POLR2M: variants seen among roughly 807,000 people sequenced by gnomAD.
The protein encoded by POLR2M is protein GRINL1A.
In POLR2M, 30 loss-of-function variants were observed where a neutral mutation model predicts 34.6. That is an observed-to-expected ratio of 0.87 (90% CI 0.65 to 1.18). The LOEUF (loss-of-function observed/expected upper bound fraction) is 1.18, where lower values mean the gene tolerates loss of function less well. Ranked by LOEUF, POLR2M falls within the 50% of genes most tolerant of loss-of-function variation. The probability of loss-of-function intolerance (pLI) is 0.00; values close to 1 mark genes in which losing one functional copy is unlikely to be tolerated. For missense variants in POLR2M, 432 were observed against 448.7 expected (o/e 0.96, Z 0.34); for synonymous variants, 150 against 166.7 (o/e 0.90, Z 0.77).
chr15:57,706,903 T>G lies in POLR2M; in HGVS notation c.61T>G (p.Leu21Val), dbSNP rs1437592553. 6.2e-7 allele frequency: 1 copy of G among 1,601,762 alleles called. No individual in the cohort carries two copies. The highest frequency in any genetic ancestry group is 8.5e-7 in the Non-Finnish European group (1 of 1,173,952). The change falls in exon 1 of 4, where the codon TTG (leucine) becomes GTG (valine). Residue 21 changes from leucine (L) to valine (V), a missense_variant. Coordinates refer to ENST00000299638, the MANE Select transcript of POLR2M (RefSeq NM_015532.5). ...QAPEDLAQRS[L>V]VELREMLKRQ... is the part of the protein sequence containing the mutation. ...TCCCGAGGACTTGGCGCAGCGGAGTTTGGTGGAGCTGCGGGAAATGTTGAA... is the reference window on the plus strand; with the variant it reads ...TCCCGAGGACTTGGCGCAGCGGAGTGTGGTGGAGCTGCGGGAAATGTTGAA...
intron 3 of POLR2M, among the ~76,000 whole-genome samples, chr15:57,713,846 T>C (rs1457261352): frequency 3.7e-5 from 4 of 109,078 alleles, no homozygotes; most frequent in African/African-American, 1.5e-4. Context: ...TTTTTTTTTT[T>C]TTTTTTTTTT....
intron 3 of POLR2M, 106 bp downstream of exon 3, chr15:57,712,294 G>A: frequency 1.6e-6 from 2 of 1,290,292 alleles, no homozygotes. Flanking sequence ...GGGATTAGGT[G>A]CTTCCATGAG....
At chr15:57,711,852 T>C in intron 2 of POLR2M, 132 bp from the exon 3 acceptor site, 8 of 1,066,556 alleles carry the variant, frequency 7.5e-6, no homozygotes, top group Non-Finnish European at 1.1e-5. Flanking sequence ...GAGCAATGAA[T>C]ACTGGTAAAT....
At chr15:57,707,017 C>T (rs2040513408) in intron 1 of POLR2M, 62 bp downstream of exon 1, 2 of 1,551,876 alleles carry the variant, frequency 1.3e-6, no homozygotes, top group South Asian at 2.4e-5. Context: ...CTGGGCGCTC[C>T]CCTCCCCTCC....
intron 1 of POLR2M, among the ~76,000 whole-genome samples, chr15:57,708,024 G>A (rs2040561434): frequency 2.0e-5 from 3 of 152,184 alleles, no homozygotes; most frequent in African/African-American, 7.2e-5. Flanking sequence ...TAAATAATTG[G>A]TTGGGATCAA....
chr15:57,708,246 A>G (rs1310781651), intron 1 of POLR2M, among the ~76,000 whole-genome samples: 11 of 152,228 alleles, frequency 7.2e-5, no homozygotes, highest in Admixed American at 4.6e-4. Context: ...TTCTAGAACA[A>G]TGATGTCATC....
At chr15:57,707,385 G>T (rs2040536912) in intron 1 of POLR2M, 1 of 686,338 alleles carries the variant, frequency 1.5e-6, no homozygotes, top group Admixed American at 2.0e-5. Flanking sequence ...ATTAGGCCGG[G>T]AAAGTTCGAC....
rs978087285 is a variant in POLR2M at position 57,711,209 on chromosome 15, T to G, written c.759-775T>G. ...ATATCTGCTAGCCATGAAGACCTAC[T>G]TATTTCTTTGATCTTCATCTCTATA... is the stretch of plus-strand genomic sequence containing the variant. On this transcript the variant is annotated intron_variant, in intron 2 of 3. Coordinates refer to ENST00000299638, the MANE Select transcript of POLR2M (RefSeq NM_015532.5). 7.2e-4 allele frequency among the ~76,000 whole-genome samples: 110 copies of G among 152,326 alleles called. 2 individuals carry two copies. Among genetic ancestry groups the G allele is most frequent in the African/African-American group, 2.6e-3 (110 of 41,572 alleles).
rs752008215 is a variant in POLR2M, at chr15:57,714,550, G to A, written c.978G>A (p.Lys326=). ...TTGTTTTAAAGGAGATGCAAGCAAA[G>A]CTCGCAGCGCAAAAATTAGCTGAAA... ...QKQNYEEMQA[K]LAAQKLAERL... Residue 326 remains lysine, a synonymous_variant, in exon 4 of 4, where the codon AAG becomes AAA. Transcript: ENST00000299638. The A allele has an allele frequency of 2.5e-6, 4 of 1,613,616 alleles. No homozygotes were observed. The East Asian group carries it at 6.7e-5, about 27-fold the overall frequency.
chr15:57,712,360 AG>A (rs2040760863), intron 3 of POLR2M, among the ~76,000 whole-genome samples, 172 bp downstream of exon 3: 1 of 152,216 alleles, frequency 6.6e-6, no homozygotes, highest in Non-Finnish European at 1.5e-5. Context: ...AACTGCAGGA[AG>A]TAGCTAGAGA....
At position 57,709,289 on chromosome 15, in the gene POLR2M, A is replaced by G. The variant is rs1238933801; in HGVS notation, c.689A>G (p.His230Arg). ...GLSSGTEKKP[H>R]YMEVLEMRAK... ...TCCAGTGGGACTGAGAAGAAACCTC[A>G]TTACATGGAAGTGCTAGAAATGCGA... The change falls in exon 2 of 4, where the codon CAT (histidine) becomes CGT (arginine). Residue 230 changes from histidine (H) to arginine (R), a missense_variant. His to Arg is a conservative substitution (Grantham distance 29). Transcript: ENST00000299638. 3.7e-6 allele frequency: 6 copies of G among 1,614,012 alleles called. No individual in the cohort carries two copies. Among genetic ancestry groups the G allele is most frequent in the African/African-American group, 1.3e-5 (1 of 75,046 alleles).
At chr15:57,713,482 C>G (rs888399699) in intron 3 of POLR2M, among the ~76,000 whole-genome samples, 1 of 151,904 alleles carries the variant, frequency 6.6e-6, no homozygotes, top group Non-Finnish European at 1.5e-5. Flanking sequence ...CTTTTACTGA[C>G]CCATATTCAT....
chr15:57,708,883 G>T lies in POLR2M; in HGVS notation c.283G>T (p.Gly95Cys). Residue 95 changes from glycine (G) to cysteine (C), a missense_variant, in exon 2 of 4, where the codon GGT becomes TGT. Transcript: ENST00000299638. ...AAAAGCAATTGCAGAAGTTGATGTG[G>T]GTACAGATAAGGCCCAGAATTCTGA... ...RQKAIAEVDV[G>C]TDKAQNSDPI... 4 of 1,613,970 alleles carry T rather than the reference G, an allele frequency of 2.5e-6. No individual in the cohort carries two copies. Among genetic ancestry groups the T allele is most frequent in the Non-Finnish European group, 3.4e-6 (4 of 1,179,914 alleles).
chr15:57,707,036 GTTCCC>G (rs1185227210), intron 1 of POLR2M, 81 bp downstream of exon 1: 28 of 1,551,666 alleles, frequency 1.8e-5, no homozygotes, highest in Non-Finnish European at 2.4e-5. Context: ...CCCGCACTCT[GTTCCC>G]TTCCCTGGAA....
rs371113800 is a variant in POLR2M at position 57,714,582 on chromosome 15, A to C, written c.1010A>C (p.Asn337Thr). ...LAAQKLAERLNIKMRSYNPEG... is the reference protein window; with the variant it reads ...LAAQKLAERLTIKMRSYNPEG... Reference sequence around the variant, plus strand: ...GCGCAAAAATTAGCTGAAAGACTGAATATTAAAATGCGGAGTTATAATCCA... The same window carrying C: ...GCGCAAAAATTAGCTGAAAGACTGACTATTAAAATGCGGAGTTATAATCCA... The change falls in exon 4 of 4, where the codon AAT (asparagine) becomes ACT (threonine). Residue 337 changes from asparagine to threonine, a missense_variant. By Grantham distance (65) the Asn-to-Thr change is moderately conservative. Transcript: ENST00000299638. 1 of 1,613,868 alleles carries C rather than the reference A, an allele frequency of 6.2e-7. No homozygotes were observed. The highest frequency in any genetic ancestry group is 2.2e-5 in the East Asian group (1 of 44,872).
Position 57,716,745 on chromosome 15 carries a change from C to T in POLR2M, c.*2066C>T, listed in dbSNP as rs1342180604. 1 of 152,144 alleles carries T rather than the reference C, an allele frequency of 6.6e-6. No homozygotes were observed. Among genetic ancestry groups the T allele is most frequent in the African/African-American group, 2.4e-5 (1 of 41,416 alleles). 9.4% of individuals were successfully genotyped at this position (152,144 alleles called of 1,614,324 possible). On this transcript the variant is annotated 3_prime_UTR_variant, in exon 4 of 4. Coordinates refer to ENST00000299638, the MANE Select transcript of POLR2M (RefSeq NM_015532.5). ...TGGCATATAAGTTCTTAAGAATGTC[C>T]GTCCTTTGTCATATATTGTAACTTT...
Position 57,716,860 on chromosome 15 carries a change from A to G in POLR2M, c.*2181A>G, listed in dbSNP as rs2040967441. On this transcript the variant is annotated 3_prime_UTR_variant, in exon 4 of 4. Transcript: ENST00000299638. ...GAGTCTACCTTTGTGTATGTGCTTG[A>G]AAGTATTTTTGTAATCCAAGAATGG... 6.6e-6 allele frequency: 1 copy of G among 152,172 alleles called. No homozygotes were observed. Among genetic ancestry groups the G allele is most frequent in the African/African-American group, 2.4e-5 (1 of 41,436 alleles). 9.4% of individuals were successfully genotyped at this position (152,172 alleles called of 1,614,324 possible). A position where few individuals can be genotyped will look rare whatever the true frequency, so the allele number is the denominator to read the frequency against.
In POLR2M at chr15:57,715,217, C is replaced by G. The variant is rs1407974729; in HGVS notation, c.*538C>G. Reference sequence around the variant, plus strand: ...GTATGGAGAATGCTTAACAAATGCTCTTCTCCTTTTTCTGTCTTCCCTTAG... The same window carrying G: ...GTATGGAGAATGCTTAACAAATGCTGTTCTCCTTTTTCTGTCTTCCCTTAG... On this transcript the variant is annotated 3_prime_UTR_variant, in exon 4 of 4. Coordinates refer to ENST00000299638, the MANE Select transcript of POLR2M (RefSeq NM_015532.5). 2 of 152,862 alleles carry G rather than the reference C, an allele frequency of 1.3e-5. No homozygotes were observed. Among genetic ancestry groups the G allele is most frequent in the Non-Finnish European group, 2.9e-5 (2 of 68,236 alleles). The allele number at this position is 152,862 out of a possible 1,614,324, so 9.5% of individuals were successfully genotyped here. A position where few individuals can be genotyped will look rare whatever the true frequency, so the allele number is the denominator to read the frequency against.
At chr15:57,710,908 C>T (rs141358258) in intron 2 of POLR2M, among the ~76,000 whole-genome samples, 12 of 152,318 alleles carry the variant, frequency 7.9e-5, no homozygotes, top group African/African-American at 2.9e-4. Flanking sequence ...TGGGTCCTTT[C>T]TGCTCTTCCT....
Sources: allele counts gnomAD v4.1 joint callset (sites outside exome capture counted in the v4.1 genomes callset), GRCh38; gene constraint gnomAD v4.1.1; transcripts MANE v1.5; gene names NCBI Gene and HGNC (gene_info 2026-07-23, HGNC 2026-07-21).